Variants in MAML2 observed in about 807,000 individuals in gnomAD.
MAML2 encodes the protein mastermind-like protein 2.
A neutral mutation model predicts 96.1 loss-of-function variants in MAML2; 22 were observed. The observed-to-expected ratio is 0.23, with a 90% CI of 0.16 to 0.33. The LOEUF (loss-of-function observed/expected upper bound fraction) is 0.33. MAML2 is among the 10% of genes least tolerant of loss of function. The pLI is 1.00. For synonymous variants in MAML2, 561 were observed against 521.3 expected (o/e 1.08, Z -1.04); for missense variants, 1,367 against 1,392.4 (o/e 0.98, Z 0.29).
At chr11:96,264,727 G>A (rs1304762074) in intron 1 of MAML2, among the ~76,000 whole-genome samples, 2 of 152,196 alleles carry the variant, frequency 1.3e-5, no homozygotes, top group Non-Finnish European at 2.9e-5. Context: ...CTGTATTGAA[G>A]TAGGAGTCAT....
rs760090223 is a variant in MAML2 at position 96,342,315 on chromosome 11, TGA to T, written c.-422_-421del. On this transcript the variant is annotated 5_prime_UTR_variant, in exon 1 of 5. Coordinates refer to ENST00000524717, the MANE Select transcript of MAML2 (RefSeq NM_032427.4). The stretch of plus-strand genomic sequence containing the variant: ...GACAGAAACACACAGCAAAAGGTAT[TGA>T]GAGAGGTATTAATAGAGAGGACTCC... 63 of 419,886 alleles carry T rather than the reference TGA, an allele frequency of 1.5e-4. No individual in the cohort carries two copies. The highest frequency in any genetic ancestry group is 2.3e-4 in the Non-Finnish European group (54 of 237,758). The allele number at this position is 419,886 out of a possible 1,614,324, so 26.0% of individuals were successfully genotyped here. A position where few individuals can be genotyped will look rare whatever the true frequency, so the allele number is the denominator to read the frequency against.
rs540584517 is a variant in MAML2, at chr11:96,054,932, G to A, written c.2139+36960C>T. Reference sequence around the variant, plus strand: ...GTAGGGAGATTTCACTCTACCTGGGGCCTGGGAAGTAGTATTTACTTAAAT... The same window carrying A: ...GTAGGGAGATTTCACTCTACCTGGGACCTGGGAAGTAGTATTTACTTAAAT... On this transcript the variant is annotated intron_variant, in intron 2 of 4. Transcript: ENST00000524717. 2.6e-5 allele frequency among the ~76,000 whole-genome samples: 4 copies of A among 152,234 alleles called. No homozygotes were observed. In the East Asian group the frequency reaches 7.7e-4, roughly 29 times the overall value.
intron 1 of MAML2, among the ~76,000 whole-genome samples, chr11:96,224,971 T>C (rs1862191660): frequency 6.6e-6 from 1 of 152,252 alleles, no homozygotes; most frequent in Non-Finnish European, 1.5e-5. Flanking sequence ...AAAGCACTTC[T>C]TATTGACAAA....
chr11:96,097,426 G>A (rs1049042596), intron 1 of MAML2, among the ~76,000 whole-genome samples: 3 of 152,102 alleles, frequency 2.0e-5, no homozygotes, highest in African/African-American at 7.2e-5. Context: ...GAAAAGAGAA[G>A]GGAGAAAGGA....
At chr11:96,126,275 A>T (rs904233570) in intron 1 of MAML2, among the ~76,000 whole-genome samples, 4 of 152,274 alleles carry the variant, frequency 2.6e-5, no homozygotes, top group African/African-American at 9.6e-5. Context: ...AATAGCAGAG[A>T]GGCCCGGTTT....
At chr11:96,291,419 G>A (rs1392407442) in intron 1 of MAML2, among the ~76,000 whole-genome samples, 4 of 152,160 alleles carry the variant, frequency 2.6e-5, no homozygotes, top group Non-Finnish European at 5.9e-5. Context: ...GAGCCACTGC[G>A]CCCGGCCTTC....
At chr11:96,189,726 T>C (rs1861625658) in intron 1 of MAML2, among the ~76,000 whole-genome samples, 1 of 152,254 alleles carries the variant, frequency 6.6e-6, no homozygotes, top group Admixed American at 6.5e-5. Context: ...TTAGATCTGA[T>C]TGTAGGTGTC....
intron 2 of MAML2, among the ~76,000 whole-genome samples, chr11:96,026,770 A>G (rs571631502): frequency 1.1e-4 from 16 of 151,728 alleles, no homozygotes; most frequent in Non-Finnish European, 2.4e-4. Flanking sequence ...GATACGGCAC[A>G]GTAGATACAA....
At chr11:96,128,136 G>A (rs1860482315) in intron 1 of MAML2, among the ~76,000 whole-genome samples, 2 of 152,140 alleles carry the variant, frequency 1.3e-5, no homozygotes, top group Non-Finnish European at 2.9e-5. Flanking sequence ...GCTCACGTCT[G>A]TAATCCCAGC....
At position 96,341,780 on chromosome 11, in the gene MAML2, C is replaced by A. The variant is rs779339782; in HGVS notation, c.116G>T (p.Arg39Leu). Residue 39 changes from arginine to leucine, a missense_variant, in exon 1 of 5, where the codon CGC becomes CTC. By Grantham distance (102) the Arg-to-Leu change is moderately radical. Transcript: ENST00000524717. ...TPRVHSAIVE[R>L]LRARIAVCRQ... ...GCAGACAGCGATCCGAGCCCGGAGG[C>A]GCTCCACGATAGCACTGTGCACTCT... 3 of 1,610,846 alleles carry A rather than the reference C, an allele frequency of 1.9e-6. No homozygotes were observed. In the African/African-American group the frequency reaches 4.0e-5, roughly 22 times the overall value.
chr11:96,284,517 T>C (rs1565272972), intron 1 of MAML2, among the ~76,000 whole-genome samples: 2 of 152,202 alleles, frequency 1.3e-5, no homozygotes, highest in African/African-American at 4.8e-5. Flanking sequence ...CAGGTGAGAT[T>C]TGGAAACCTA....
chr11:96,013,674 G>A (rs988833639), intron 2 of MAML2, among the ~76,000 whole-genome samples: 4 of 152,200 alleles, frequency 2.6e-5, no homozygotes, highest in Non-Finnish European at 5.9e-5. Flanking sequence ...AGGAGCACAC[G>A]CACAAGCACT....
chr11:96,139,935 A>G (rs931872765), intron 1 of MAML2, among the ~76,000 whole-genome samples: 4 of 152,196 alleles, frequency 2.6e-5, no homozygotes, highest in Non-Finnish European at 4.4e-5. Flanking sequence ...ATGACTGCAT[A>G]ATTCTATCTT....
At chr11:96,162,711 CAA>C (rs1432863293) in intron 1 of MAML2, among the ~76,000 whole-genome samples, 1 of 83,506 alleles carries the variant, frequency 1.2e-5, no homozygotes, top group Non-Finnish European at 2.6e-5. Flanking sequence ...AACTCCGTCT[CAA>C]AAAAAGAAAA....
At chr11:96,061,686 C>T (rs773021237) in intron 2 of MAML2, among the ~76,000 whole-genome samples, 18 of 152,236 alleles carry the variant, frequency 1.2e-4, no homozygotes, top group Non-Finnish European at 7.4e-5. Context: ...CATAACAACC[C>T]GTAATTCAGA....
intron 1 of MAML2, among the ~76,000 whole-genome samples, chr11:96,115,739 T>G (rs1860224187): frequency 6.6e-6 from 1 of 151,942 alleles, no homozygotes; most frequent in African/African-American, 2.4e-5. Context: ...TAAAGCACAG[T>G]AAGGGAAGGG....
intron 2 of MAML2, among the ~76,000 whole-genome samples, chr11:96,007,514 A>G (rs2135724496): frequency 6.6e-6 from 1 of 152,308 alleles, no homozygotes; most frequent in East Asian, 1.9e-4. Flanking sequence ...ATTATCTGCT[A>G]ACGAATATAT....
At chr11:96,265,186 C>T (rs1019384285) in intron 1 of MAML2, among the ~76,000 whole-genome samples, 20 of 152,130 alleles carry the variant, frequency 1.3e-4, no homozygotes, top group African/African-American at 3.6e-4. Context: ...CAAGCAGGCA[C>T]GATGCAAAGC....
At chr11:96,139,166 G>A (rs1484411871) in intron 1 of MAML2, among the ~76,000 whole-genome samples, 1 of 152,054 alleles carries the variant, frequency 6.6e-6, no homozygotes. Context: ...ACAGCGATCA[G>A]ATACATTAGG....
Sources: gnomAD v4.1 joint callset for allele counts (sites outside exome capture counted in the v4.1 genomes callset) on GRCh38, gnomAD v4.1.1 for gene constraint, MANE v1.5 for transcripts, NCBI Gene and HGNC (gene_info 2026-07-23, HGNC 2026-07-21) for gene names.